Variants in CEP128 observed in about 807,000 individuals in gnomAD.
CEP128 encodes the protein centrosomal protein 128kDa.
CEP128 carries 132 observed loss-of-function variants against 156.7 expected under a neutral mutation model. The ratio of observed to expected loss-of-function variants is 0.84; its 90% CI spans 0.73 to 0.97. The LOEUF is 0.97. Ranked by LOEUF, CEP128 falls within the 50% of genes least tolerant of loss-of-function variation. The probability of loss-of-function intolerance (pLI) is 0.00; values close to 1 mark genes in which losing one functional copy is unlikely to be tolerated. For synonymous variants in CEP128, 469 were observed against 448.9 expected (o/e 1.04, Z -0.57); for missense variants, 1,252 against 1,281.9 (o/e 0.98, Z 0.36).
rs568945020 is a variant in CEP128, at chr14:80,725,092, G to A, written c.2806+17983C>T. On this transcript the variant is annotated intron_variant, in intron 19 of 24. Transcript: ENST00000555265. ...TCCATCTGCCCCTATTATACACCAT[G>A]GGTGTCTTATTTCTCAGTTTTTTCC... is the stretch of plus-strand genomic sequence containing the variant. Among the ~76,000 whole-genome samples the A allele has an allele frequency of 3.4e-5, 5 of 149,084 alleles. No homozygotes were observed. The East Asian group carries it at 9.8e-4, about 29-fold the overall frequency.
chr14:80,794,337 T>A (rs1364190470), intron 13 of CEP128, among the ~76,000 whole-genome samples: 1 of 152,222 alleles, frequency 6.6e-6, no homozygotes, highest in East Asian at 1.9e-4. Context: ...TTTTTTTAAA[T>A]GCCTCAAAAA....
intron 8 of CEP128, among the ~76,000 whole-genome samples, chr14:80,874,053 C>T (rs1595529962): frequency 6.6e-6 from 1 of 152,086 alleles, no homozygotes; most frequent in Non-Finnish European, 1.5e-5. Context: ...ATGTCTTTAT[C>T]AGCAGCATAA....
At chr14:80,659,180 G>A (rs1895294469) in intron 19 of CEP128, among the ~76,000 whole-genome samples, 2 of 152,172 alleles carry the variant, frequency 1.3e-5, no homozygotes, top group South Asian at 2.1e-4. Context: ...AAAATTGTAA[G>A]GTACAAATAG....
chr14:80,797,535 A>C (rs569385625), intron 13 of CEP128, among the ~76,000 whole-genome samples: 1 of 152,302 alleles, frequency 6.6e-6, no homozygotes, highest in Non-Finnish European at 1.5e-5. Flanking sequence ...GGTAAAATTC[A>C]TCATAGAGGT....
intron 19 of CEP128, among the ~76,000 whole-genome samples, chr14:80,660,856 C>T (rs1448449051): frequency 1.3e-5 from 2 of 152,056 alleles, no homozygotes; most frequent in African/African-American, 4.8e-5. Flanking sequence ...CACATACACC[C>T]TGAGACATTC....
intron 19 of CEP128, among the ~76,000 whole-genome samples, chr14:80,718,025 A>G (rs1253608013): frequency 1.3e-5 from 2 of 151,348 alleles, no homozygotes; most frequent in African/African-American, 2.4e-5. Flanking sequence ...GTGTGTGTAT[A>G]TATGTTTTGT....
intron 23 of CEP128, among the ~76,000 whole-genome samples, chr14:80,520,609 C>G (rs545967006): frequency 6.6e-6 from 1 of 152,090 alleles, no homozygotes; most frequent in South Asian, 2.1e-4. Flanking sequence ...AGATTTTACT[C>G]AATTTTTTTT....
intron 19 of CEP128, among the ~76,000 whole-genome samples, chr14:80,638,409 T>G (rs1276612564): frequency 6.6e-6 from 1 of 152,140 alleles, no homozygotes; most frequent in African/African-American, 2.4e-5. Context: ...TTTCCTGGTG[T>G]CCCTCAAACT....
At chr14:80,849,071 A>C (rs748214882) in intron 9 of CEP128, among the ~76,000 whole-genome samples, 10 of 152,192 alleles carry the variant, frequency 6.6e-5, no homozygotes, top group Non-Finnish European at 1.5e-4. Flanking sequence ...GGAAATGAAC[A>C]GTTTCCAATT....
intron 2 of CEP128, among the ~76,000 whole-genome samples, chr14:80,937,644 G>A (rs1255227767): frequency 5.3e-5 from 8 of 151,970 alleles, no homozygotes; most frequent in Non-Finnish European, 1.2e-4. Context: ...AGGTTGAATG[G>A]TAAGTGCTGA....
intron 8 of CEP128, among the ~76,000 whole-genome samples, chr14:80,894,394 CTG>C (rs1241773558): frequency 2.6e-5 from 4 of 151,904 alleles, no homozygotes; most frequent in African/African-American, 9.7e-5. Context: ...AGATTTCGTA[CTG>C]TGTGAACTAC....
intron 19 of CEP128, among the ~76,000 whole-genome samples, chr14:80,633,518 C>T (rs1431984169): frequency 6.6e-6 from 1 of 152,016 alleles, no homozygotes. Flanking sequence ...CTATTGCTTT[C>T]CTCCGTCTCT....
At chr14:80,829,832 A>C (rs1885688016) in intron 13 of CEP128, among the ~76,000 whole-genome samples, 1 of 152,334 alleles carries the variant, frequency 6.6e-6, no homozygotes, top group East Asian at 1.9e-4. Flanking sequence ...ACAAGGGGAA[A>C]GCCAGGAATC....
chr14:80,833,827 A>G (rs1386735654), intron 12 of CEP128, among the ~76,000 whole-genome samples: 1 of 152,142 alleles, frequency 6.6e-6, no homozygotes, highest in East Asian at 1.9e-4. Context: ...AATTCAGGAG[A>G]TATCAGGATG....
rs1898395437 is a variant in CEP128, at chr14:80,733,781, T to A, written c.2806+9294A>T. Among the ~76,000 whole-genome samples the A allele has an allele frequency of 2.0e-5, 3 of 152,204 alleles. No individual in the cohort carries two copies. In the South Asian group the frequency reaches 6.2e-4, roughly 31 times the overall value. The stretch of plus-strand genomic sequence containing the variant: ...TTATTTTCAGCAACTACATCTATTA[T>A]GTAAACCATTCTGGACTCCAGTGTA... On this transcript the variant is annotated intron_variant, in intron 19 of 24. Transcript: ENST00000555265.
chr14:80,867,845 C>A (rs1162124761), intron 8 of CEP128, among the ~76,000 whole-genome samples: 1 of 151,986 alleles, frequency 6.6e-6, no homozygotes, highest in South Asian at 2.1e-4. Context: ...AAAGAACACC[C>A]AGATCCTTGA....
intron 2 of CEP128, among the ~76,000 whole-genome samples, chr14:80,922,990 A>T (rs1383173418): frequency 1.3e-5 from 2 of 152,200 alleles, no homozygotes; most frequent in Non-Finnish European, 2.9e-5. Flanking sequence ...GAAAGCAACA[A>T]TATTTGTGCC....
intron 16 of CEP128, among the ~76,000 whole-genome samples, chr14:80,769,435 C>G (rs1447594349): frequency 1.3e-5 from 2 of 152,098 alleles, no homozygotes; most frequent in Non-Finnish European, 2.9e-5. Context: ...CCACTCCCCC[C>G]GCCCCACGAC....
intron 8 of CEP128, among the ~76,000 whole-genome samples, chr14:80,875,411 G>A (rs1437827470): frequency 3.9e-5 from 6 of 152,104 alleles, no homozygotes; most frequent in Non-Finnish European, 5.9e-5. Context: ...AATAAAATAC[G>A]CTTTCTGTCA....
Sources: gnomAD v4.1 joint callset for allele counts (sites outside exome capture counted in the v4.1 genomes callset) on GRCh38, gnomAD v4.1.1 for gene constraint, MANE v1.5 for transcripts, NCBI Gene and HGNC (gene_info 2026-07-23, HGNC 2026-07-21) for gene names.